SRRM4: variants seen among roughly 807,000 people sequenced by gnomAD.
SRRM4 encodes the protein serine/arginine repetitive matrix 4, also known as serine/arginine repetitive matrix protein 4.
SRRM4 carries 33 observed loss-of-function variants against 68.9 expected under a neutral mutation model. The observed-to-expected ratio is 0.48, with a 90% CI of 0.36 to 0.64. The LOEUF is 0.64. SRRM4 is among the 30% of genes least tolerant of loss of function. SRRM4 has a pLI of 0.00. For synonymous variants in SRRM4, 318 were observed against 318.8 expected, an observed-to-expected ratio of 1.00 and a Z score of 0.03; for missense variants, 817 against 827.1, an observed-to-expected ratio of 0.99 and a Z score of 0.15.
At chr12:119,046,002 C>T (rs777176946) in intron 1 of SRRM4, among the ~76,000 whole-genome samples, 1 of 151,902 alleles carries the variant, frequency 6.6e-6, no homozygotes, top group Non-Finnish European at 1.5e-5. Flanking sequence ...TGCTCCACTG[C>T]GCTCCAGCCT....
chr12:119,156,725 GGAGCCGGAGCCGGAGCAGGAGCCA>G lies in SRRM4; in HGVS notation c.1774_1797del (p.Arg592_Ser599del), dbSNP rs776439834. 6.4e-5 allele frequency: 99 copies of G among 1,546,432 alleles called. No individual in the cohort carries two copies. The highest frequency in any genetic ancestry group is 7.5e-5 in the Non-Finnish European group (86 of 1,146,300). ...CGCAGCCGGAGCCGGAGCAGGAGCCGGAGCCGGAGCCGGAGCAGGAGCCAGAGCCGGAGCTACAGCTCAGCAGAC... is the reference window on the plus strand; with the variant it reads ...CGCAGCCGGAGCCGGAGCAGGAGCCGGAGCCGGAGCTACAGCTCAGCAGAC... On this transcript the variant is annotated inframe_deletion, in exon 13 of 13. Transcript: ENST00000267260.
intron 1 of SRRM4, among the ~76,000 whole-genome samples, chr12:119,080,187 A>T (rs1198653304): frequency 6.8e-6 from 1 of 147,420 alleles, no homozygotes; most frequent in Non-Finnish European, 1.5e-5. Flanking sequence ...GGAAGGAGGA[A>T]GGGTTGGTTT....
intron 1 of SRRM4, among the ~76,000 whole-genome samples, chr12:119,025,433 T>A (rs1594032243): frequency 6.6e-6 from 1 of 151,408 alleles, no homozygotes. Flanking sequence ...ATGGAGTTTT[T>A]TTTTTTGTTT....
At chr12:119,115,244 G>A (rs1158865298) in intron 3 of SRRM4, among the ~76,000 whole-genome samples, 1 of 151,994 alleles carries the variant, frequency 6.6e-6, no homozygotes, top group Non-Finnish European at 1.5e-5. Context: ...GGGGAGGGGT[G>A]CTGTTTGTTT....
At chr12:119,013,639 T>C (rs2135998414) in intron 1 of SRRM4, among the ~76,000 whole-genome samples, 1 of 152,352 alleles carries the variant, frequency 6.6e-6, no homozygotes. Flanking sequence ...TTTTGGATTT[T>C]TAAAATATAT....
At chr12:119,026,622 C>T (rs547503180) in intron 1 of SRRM4, among the ~76,000 whole-genome samples, 3 of 152,184 alleles carry the variant, frequency 2.0e-5, no homozygotes, top group East Asian at 3.9e-4. Context: ...GACGTTGGCT[C>T]ACCACAACCT....
intron 1 of SRRM4, among the ~76,000 whole-genome samples, chr12:119,059,007 G>A (rs1237245485): frequency 6.6e-6 from 1 of 152,136 alleles, no homozygotes; most frequent in Non-Finnish European, 1.5e-5. Flanking sequence ...TCCTTAGATT[G>A]CAGCTATTTA....
At chr12:119,142,485 G>A (rs1954371221) in intron 8 of SRRM4, among the ~76,000 whole-genome samples, 1 of 152,166 alleles carries the variant, frequency 6.6e-6, no homozygotes, top group South Asian at 2.1e-4. Flanking sequence ...TAGCCCAGAG[G>A]GGCCTCACAT....
At chr12:119,016,799 G>T (rs1438747312) in intron 1 of SRRM4, among the ~76,000 whole-genome samples, 1 of 152,182 alleles carries the variant, frequency 6.6e-6, no homozygotes, top group Non-Finnish European at 1.5e-5. Context: ...TCATGCTATG[G>T]AAGTGCTTGG....
intron 1 of SRRM4, among the ~76,000 whole-genome samples, chr12:119,057,336 A>T (rs1381155301): frequency 1.3e-5 from 2 of 152,002 alleles, no homozygotes; most frequent in African/African-American, 4.8e-5. Context: ...ATTCTTCCTG[A>T]TGCTCTCCCT....
intron 8 of SRRM4, among the ~76,000 whole-genome samples, chr12:119,140,483 C>T (rs1443583084): frequency 1.3e-5 from 2 of 152,188 alleles, no homozygotes; most frequent in South Asian, 4.1e-4. Context: ...AGTAACCATG[C>T]CTACTTTATA....
chr12:119,032,319 G>A (rs1323089497), intron 1 of SRRM4, among the ~76,000 whole-genome samples: 1 of 152,164 alleles, frequency 6.6e-6, no homozygotes, highest in Non-Finnish European at 1.5e-5. Flanking sequence ...AGATAAAAAA[G>A]ACAGTAGTGA....
intron 6 of SRRM4, chr12:119,124,227 C>G (rs1383220689): frequency 6.6e-6 from 1 of 152,220 alleles, no homozygotes; most frequent in Non-Finnish European, 1.5e-5. Context: ...ATCCCTAAGA[C>G]ATCATGAACT....
intron 1 of SRRM4, among the ~76,000 whole-genome samples, chr12:118,994,523 T>C (rs570443094): frequency 2.6e-5 from 4 of 152,310 alleles, no homozygotes; most frequent in African/African-American, 9.6e-5. Context: ...GTGCTCTGCA[T>C]TCCCACCCCT....
intron 1 of SRRM4, among the ~76,000 whole-genome samples, chr12:118,988,706 A>G (rs1953298264): frequency 6.6e-6 from 1 of 152,238 alleles, no homozygotes; most frequent in Non-Finnish European, 1.5e-5. Context: ...CCACTACTCA[A>G]CGTAACAGTG....
chr12:118,982,803 G>A (rs1448777713), intron 1 of SRRM4, among the ~76,000 whole-genome samples: 1 of 151,208 alleles, frequency 6.6e-6, no homozygotes, highest in Admixed American at 6.6e-5. Flanking sequence ...GAAAGAAACA[G>A]GGGAACAGGA....
intron 7 of SRRM4, among the ~76,000 whole-genome samples, chr12:119,129,051 G>A (rs1437865537): frequency 6.6e-6 from 1 of 152,202 alleles, no homozygotes; most frequent in Non-Finnish European, 1.5e-5. Context: ...ATGAATCCCA[G>A]GCGCTAGTTC....
At chr12:118,989,738 A>C (rs1307996831) in intron 1 of SRRM4, 1 of 152,152 alleles carries the variant, frequency 6.6e-6, no homozygotes, top group Non-Finnish European at 1.5e-5. Context: ...TTCAAAACAA[A>C]TATTAAGATC....
At position 119,162,695 on chromosome 12, in the gene SRRM4, C is replaced by T. The variant is rs1314634316; in HGVS notation, c.*5897C>T. On this transcript the variant is annotated 3_prime_UTR_variant, in exon 13 of 13. Coordinates refer to ENST00000267260, the MANE Select transcript of SRRM4 (RefSeq NM_194286.4). ...GCTATTTCCTCAAGCAATGATTGGC[C>T]AAGGACCTAGCATAATCCACCACAT... The T allele has an allele frequency of 2.6e-5, 4 of 152,120 alleles. No individual in the cohort carries two copies. Among genetic ancestry groups the T allele is most frequent in the Non-Finnish European group, 5.9e-5 (4 of 68,044 alleles). 9.4% of individuals were successfully genotyped at this position (152,120 alleles called of 1,614,324 possible).
Sources: gnomAD v4.1 joint callset for allele counts (sites outside exome capture counted in the v4.1 genomes callset) on GRCh38, gnomAD v4.1.1 for gene constraint, MANE v1.5 for transcripts, NCBI Gene and HGNC (gene_info 2026-07-23, HGNC 2026-07-21) for gene names.